Variants in HECW2 observed in about 807,000 individuals in gnomAD.
HECW2 encodes the protein HECT, C2 and WW domain containing E3 ubiquitin protein ligase 2.
A neutral mutation model predicts 175.2 loss-of-function variants in HECW2; 61 were observed. That is an observed-to-expected ratio of 0.35 (90% CI 0.28 to 0.43). HECW2 has a LOEUF of 0.43. Ranked by LOEUF, HECW2 falls within the 20% of genes least tolerant of loss-of-function variation. The pLI is 1.00. For synonymous variants in HECW2, 671 were observed against 731.0 expected, an observed-to-expected ratio of 0.92 and a Z score of 1.32; for missense variants, 1,524 against 2,000.5, an observed-to-expected ratio of 0.76 and a Z score of 4.54.
chr2:196,304,638 G>C (rs1691192595), intron 13 of HECW2, among the ~76,000 whole-genome samples: 1 of 152,190 alleles, frequency 6.6e-6, no homozygotes, highest in African/African-American at 2.4e-5. Flanking sequence ...CTGACTCCAA[G>C]TCTGAGTCTC....
intron 4 of HECW2, among the ~76,000 whole-genome samples, chr2:196,332,045 T>C (rs899889732): frequency 2.6e-5 from 4 of 152,196 alleles, no homozygotes; most frequent in African/African-American, 9.6e-5. Context: ...CATATCACTG[T>C]GTATGCTGAT....
intron 17 of HECW2, 177 bp from the exon 18 acceptor site, chr2:196,258,083 G>C (rs374374840): frequency 3.0e-4 from 167 of 563,190 alleles, no homozygotes; most frequent in African/African-American, 2.0e-3. Context: ...GCCTTCAAGG[G>C]GGGGGATCTT....
At chr2:196,526,666 T>C (rs537293992) in intron 1 of HECW2, among the ~76,000 whole-genome samples, 1 of 143,918 alleles carries the variant, frequency 6.9e-6, no homozygotes, top group Non-Finnish European at 1.5e-5. Flanking sequence ...GGTGTGGATG[T>C]CCTTTCTGTT....
At chr2:196,515,495 A>G (rs1360242476) in intron 1 of HECW2, among the ~76,000 whole-genome samples, 1 of 152,208 alleles carries the variant, frequency 6.6e-6, no homozygotes, top group Non-Finnish European at 1.5e-5. Context: ...TGGCGAGCAC[A>G]TCACTGACCA....
At chr2:196,578,566 T>TA (rs1480002218) in intron 1 of HECW2, among the ~76,000 whole-genome samples, 19 of 152,104 alleles carry the variant, frequency 1.2e-4, no homozygotes, top group African/African-American at 4.6e-4. Context: ...AGGTACATCA[T>TA]AGTCAAAATG....
intron 1 of HECW2, among the ~76,000 whole-genome samples, chr2:196,451,830 C>T (rs1408685075): frequency 4.6e-5 from 7 of 151,630 alleles, no homozygotes; most frequent in African/African-American, 1.2e-4. Context: ...ACCCAGGAGG[C>T]GGAAGTTGCA....
chr2:196,340,177 T>C (rs530585924), intron 3 of HECW2, among the ~76,000 whole-genome samples: 31 of 152,258 alleles, frequency 2.0e-4, no homozygotes, highest in Non-Finnish European at 3.2e-4. Context: ...AGGTGGAAAA[T>C]ATTTTAGAAA....
intron 1 of HECW2, among the ~76,000 whole-genome samples, chr2:196,573,679 C>T (rs1559182600): frequency 1.3e-5 from 2 of 152,166 alleles, no homozygotes; most frequent in Non-Finnish European, 2.9e-5. Context: ...CAATCAGCTG[C>T]AATTGCCGAA....
rs184109264 is a variant in HECW2, at chr2:196,475,900, C to T, written c.-35-42442G>A. The stretch of plus-strand genomic sequence containing the variant: ...TACAGGAGAGCATTCAGGCAAACCA[C>T]AGCCAATCTCAGGACTCTCCTTGTT... On this transcript the variant is annotated intron_variant, in intron 1 of 28. Transcript: ENST00000644978. Among the ~76,000 whole-genome samples the T allele has an allele frequency of 3.6e-3, 541 of 152,352 alleles. 1 individual carries two copies. The highest frequency in any genetic ancestry group is 0.012 in the African/African-American group (511 of 41,588).
intron 21 of HECW2, chr2:196,238,938 GATCT>G (rs1688351940): frequency 6.6e-6 from 1 of 152,196 alleles, no homozygotes; most frequent in Admixed American, 6.5e-5. Context: ...ATATCTTTGA[GATCT>G]CAACAAACTC....
chr2:196,255,115 GGT>G (rs1689006573), intron 18 of HECW2, among the ~76,000 whole-genome samples: 1 of 149,568 alleles, frequency 6.7e-6, no homozygotes, highest in Non-Finnish European at 1.5e-5. Flanking sequence ...TGGGACTACA[GGT>G]GCGAGTCACC....
At chr2:196,427,816 G>A (rs1327283143) in intron 2 of HECW2, among the ~76,000 whole-genome samples, 2 of 152,090 alleles carry the variant, frequency 1.3e-5, no homozygotes, top group Non-Finnish European at 2.9e-5. Flanking sequence ...CTGGAAGGAG[G>A]AAATATAATT....
chr2:196,441,367 A>T (rs571673728), intron 1 of HECW2, among the ~76,000 whole-genome samples: 3 of 40,542 alleles, frequency 7.4e-5, no homozygotes, highest in Non-Finnish European at 1.5e-4. Flanking sequence ...CACAACATAC[A>T]ACACACACAC....
At chr2:196,281,219 C>A (rs1375397814) in intron 14 of HECW2, among the ~76,000 whole-genome samples, 1 of 146,492 alleles carries the variant, frequency 6.8e-6, no homozygotes, top group Non-Finnish European at 1.5e-5. Context: ...ACTCTGTTAT[C>A]CCCAATAGCT....
chr2:196,355,481 A>G (rs1441747273), intron 2 of HECW2, among the ~76,000 whole-genome samples: 1 of 152,230 alleles, frequency 6.6e-6, no homozygotes, highest in Non-Finnish European at 1.5e-5. Flanking sequence ...CAAGGCTCAA[A>G]GTAGTAGAAC....
rs1273378405 is a variant in HECW2 at position 196,278,623 on chromosome 2, T to C, written c.3040A>G (p.Ile1014Val). ...VDHNSRTTTF[I>V]DPRLPLQSSR... The stretch of plus-strand genomic sequence containing the variant: ...CTCTGAAGTGGGAGCCGGGGATCAA[T>C]GAAAGTGGTGGTGCGGGAGTTGTGG... The change falls in exon 15 of 29, where the codon ATT (isoleucine) becomes GTT (valine). Residue 1014 changes from isoleucine (I) to valine (V), a missense_variant. Physicochemically the swap from Ile to Val is conservative, Grantham distance 29. Transcript: ENST00000644978. 5.0e-6 allele frequency: 8 copies of C among 1,613,850 alleles called. No homozygotes were observed. The highest frequency in any genetic ancestry group is 1.3e-5 in the African/African-American group (1 of 74,844).
intron 5 of HECW2, among the ~76,000 whole-genome samples, chr2:196,326,014 G>GT (rs1692137052): frequency 6.6e-6 from 1 of 152,176 alleles, no homozygotes; most frequent in African/African-American, 2.4e-5. Flanking sequence ...GTTTGAATAA[G>GT]ATAGGCCTGG....
At chr2:196,293,805 A>G (rs1690696856) in intron 13 of HECW2, among the ~76,000 whole-genome samples, 1 of 152,204 alleles carries the variant, frequency 6.6e-6, no homozygotes, top group Non-Finnish European at 1.5e-5. Context: ...GCCAGATGAC[A>G]CAACTAGTAT....
chr2:196,581,258 G>A (rs1349015540), intron 1 of HECW2, among the ~76,000 whole-genome samples: 1 of 152,170 alleles, frequency 6.6e-6, no homozygotes, highest in African/African-American at 2.4e-5. Flanking sequence ...GAATTGACTG[G>A]GCATGATGGG....
Sources: gnomAD v4.1 joint callset for allele counts (sites outside exome capture counted in the v4.1 genomes callset) on GRCh38, gnomAD v4.1.1 for gene constraint, MANE v1.5 for transcripts, NCBI Gene and HGNC (gene_info 2026-07-23, HGNC 2026-07-21) for gene names.